The following TDRD7 variants were observed in gnomAD, a reference collection of about 807,000 sequenced individuals.
The protein encoded by TDRD7 is tudor domain-containing protein 7.
In TDRD7, 47 loss-of-function variants were observed where a neutral mutation model predicts 109.8. That is an observed-to-expected ratio of 0.43 (90% CI 0.34 to 0.55). The LOEUF (loss-of-function observed/expected upper bound fraction) is 0.55. TDRD7 is among the 20% of genes least tolerant of loss of function. The pLI is 0.03. For missense variants in TDRD7, 1,164 were observed against 1,319.2 expected, an observed-to-expected ratio of 0.88 and a Z score of 1.82; for synonymous variants, 424 against 457.3, an observed-to-expected ratio of 0.93 and a Z score of 0.93.
intron 1 of TDRD7, among the ~76,000 whole-genome samples, chr9:97,423,403 T>TC (rs1229424787): frequency 1.3e-5 from 2 of 152,138 alleles, no homozygotes; most frequent in East Asian, 3.9e-4. Context: ...GCCTTCTTTT[T>TC]TTTTTTTCTA....
intron 6 of TDRD7, among the ~76,000 whole-genome samples, chr9:97,443,338 C>G (rs896565125): frequency 3.3e-5 from 5 of 152,148 alleles, no homozygotes; most frequent in Non-Finnish European, 5.9e-5. Context: ...AATATACAGT[C>G]TAAGGTGGGA....
intron 4 of TDRD7, 39 bp downstream of exon 4, chr9:97,432,277 G>T: frequency 6.4e-7 from 1 of 1,557,362 alleles, no homozygotes; most frequent in South Asian, 1.1e-5. Flanking sequence ...GGTGAATCTA[G>T]GGTAAAAAGT....
At chr9:97,433,379 T>G (rs550874614) in intron 4 of TDRD7, among the ~76,000 whole-genome samples, 2 of 151,946 alleles carry the variant, frequency 1.3e-5, no homozygotes, top group East Asian at 3.8e-4. Context: ...ACACAGATCT[T>G]GACCCAAAGT....
chr9:97,491,862 T>C (rs542393642), intron 16 of TDRD7, among the ~76,000 whole-genome samples: 1 of 152,350 alleles, frequency 6.6e-6, no homozygotes, highest in African/African-American at 2.4e-5. Context: ...AGGAGATTTT[T>C]CCCTGATATT....
In TDRD7 at chr9:97,460,605, C is replaced by T; in HGVS notation, c.1283C>T (p.Ala428Val). The change falls in exon 7 of 17, where the codon GCT becomes GTT. Residue 428 changes from alanine to valine, a missense_variant. Ala to Val is a moderately conservative substitution (Grantham distance 64). This residue lies in a region of TDRD7 where 407 missense variants were observed against 394.0 expected (regional missense o/e 1.03). Coordinates refer to ENST00000355295, the MANE Select transcript of TDRD7 (RefSeq NM_014290.3). ...GCACATGGTGATAATGATATCAAGG[C>T]TATGGTTGAACAAGAGTATTTGCAG... ...GQAHGDNDIK[A>V]MVEQEYLQVE... is the part of the protein sequence containing the mutation. 6.2e-7 allele frequency: 1 copy of T among 1,614,172 alleles called. No homozygotes were observed. Among genetic ancestry groups the T allele is most frequent in the Non-Finnish European group, 8.5e-7 (1 of 1,180,034 alleles).
chr9:97,429,473 C>T (rs1379760786), intron 2 of TDRD7, among the ~76,000 whole-genome samples: 1 of 152,122 alleles, frequency 6.6e-6, no homozygotes, highest in Admixed American at 6.5e-5. Flanking sequence ...TGGAGTGTTT[C>T]TCACCAAAAC....
chr9:97,462,109 GAAGTA>G (rs1447431805), intron 7 of TDRD7, among the ~76,000 whole-genome samples: 2 of 152,142 alleles, frequency 1.3e-5, no homozygotes, highest in African/African-American at 4.8e-5. Flanking sequence ...CTATTGTATT[GAAGTA>G]AAGGAAAGAT....
At position 97,476,806 on chromosome 9, in the gene TDRD7, C is replaced by T. The variant is rs116001014; in HGVS notation, c.2166+1337C>T. On this transcript the variant is annotated intron_variant, in intron 12 of 16. Coordinates refer to ENST00000355295, the MANE Select transcript of TDRD7 (RefSeq NM_014290.3). Reference sequence around the variant, plus strand: ...AAATCAACCCCCAAAAGGTAAGAATCGTTGCTTTACTGAATTTTTTAAATG... The same window carrying T: ...AAATCAACCCCCAAAAGGTAAGAATTGTTGCTTTACTGAATTTTTTAAATG... 8.6e-3 allele frequency among the ~76,000 whole-genome samples: 1,309 copies of T among 152,072 alleles called. 24 individuals are homozygous for T. The highest frequency in any genetic ancestry group is 0.03 in the African/African-American group (1,249 of 41,500).
chr9:97,428,276 C>G (rs1348888928), intron 1 of TDRD7, among the ~76,000 whole-genome samples, 184 bp from the exon 2 acceptor site: 1 of 152,214 alleles, frequency 6.6e-6, no homozygotes, highest in African/African-American at 2.4e-5. Flanking sequence ...TGCCTTCTGA[C>G]TTTCCCCTGC....
chr9:97,416,678 G>T (rs1180026333), intron 1 of TDRD7, among the ~76,000 whole-genome samples: 1 of 152,162 alleles, frequency 6.6e-6, no homozygotes, highest in Non-Finnish European at 1.5e-5. Flanking sequence ...TATAAGAATT[G>T]TTAACATTTG....
intron 13 of TDRD7, among the ~76,000 whole-genome samples, chr9:97,480,131 T>TC (rs1829090746): frequency 6.6e-6 from 1 of 152,314 alleles, no homozygotes; most frequent in Non-Finnish European, 1.5e-5. Flanking sequence ...TTCATCCCCT[T>TC]CACAAAATTG....
chr9:97,463,495 T>C (rs1010692689), intron 7 of TDRD7, among the ~76,000 whole-genome samples: 2 of 151,922 alleles, frequency 1.3e-5, no homozygotes, highest in African/African-American at 4.8e-5. Context: ...TTCTTAGAGC[T>C]GTACAGGCCT....
chr9:97,446,744 A>C (rs930637985), intron 6 of TDRD7, among the ~76,000 whole-genome samples: 3 of 152,146 alleles, frequency 2.0e-5, no homozygotes, highest in African/African-American at 7.2e-5. Context: ...ACTTAATTTT[A>C]ATTACGGTAA....
intron 1 of TDRD7, among the ~76,000 whole-genome samples, chr9:97,419,641 T>C (rs1002411353): frequency 4.6e-5 from 7 of 152,178 alleles, no homozygotes; most frequent in African/African-American, 1.7e-4. Flanking sequence ...TGCCATGAAT[T>C]TCTATTGAGT....
At chr9:97,457,671 C>T (rs777561972) in intron 6 of TDRD7, among the ~76,000 whole-genome samples, 5 of 152,156 alleles carry the variant, frequency 3.3e-5, no homozygotes, top group Non-Finnish European at 7.4e-5. Context: ...AGCCACTGCA[C>T]CCGGCCACAC....
At chr9:97,442,792 A>AT (rs376896278) in intron 6 of TDRD7, among the ~76,000 whole-genome samples, 158 of 145,104 alleles carry the variant, frequency 1.1e-3, no homozygotes, top group African/African-American at 1.9e-3. Context: ...GAAAGCATGT[A>AT]TTTTTTTTTT....
At chr9:97,433,404 G>A (rs1404193266) in intron 4 of TDRD7, among the ~76,000 whole-genome samples, 1 of 151,972 alleles carries the variant, frequency 6.6e-6, no homozygotes, top group Non-Finnish European at 1.5e-5. Context: ...GTTGAATCCA[G>A]TATGTGACAG....
rs1177895093 is a variant in TDRD7 at position 97,428,402 on chromosome 9, A to G, written c.-6-58A>G. ...TAACAAGTTTCAGCTCTGAAAATCT[A>G]TTTGAATTCACAAACGAATGAGCCA... is the stretch of plus-strand genomic sequence containing the variant. On this transcript the variant is annotated intron_variant, in intron 1 of 16. Coordinates refer to ENST00000355295, the MANE Select transcript of TDRD7 (RefSeq NM_014290.3). The G allele has an allele frequency of 1.0e-5, 16 of 1,530,620 alleles. No individual in the cohort carries two copies. The East Asian group carries it at 3.4e-4, about 32-fold the overall frequency. 94.8% of individuals were successfully genotyped at this position (1,530,620 alleles called of 1,614,324 possible).
chr9:97,483,366 A>G lies in TDRD7; in HGVS notation c.2915+15A>G, dbSNP rs749168570. 8.1e-6 allele frequency: 13 copies of G among 1,612,324 alleles called. No individual in the cohort carries two copies. The highest frequency in any genetic ancestry group is 1.3e-5 in the African/African-American group (1 of 75,058). On this transcript the variant is annotated intron_variant, in intron 15 of 16. Transcript: ENST00000355295. Reference sequence around the variant, plus strand: ...GTGGAAAATAAGTAGGTCCTTGGACAAAGCATTTTATTCTACTCCTAAGAA... The same window carrying G: ...GTGGAAAATAAGTAGGTCCTTGGACGAAGCATTTTATTCTACTCCTAAGAA...
Sources: allele counts gnomAD v4.1 joint callset (sites outside exome capture counted in the v4.1 genomes callset), GRCh38; gene constraint gnomAD v4.1.1; regional missense constraint gnomAD v4.1.1; transcripts MANE v1.5; gene names NCBI Gene and HGNC (gene_info 2026-07-23, HGNC 2026-07-21).